Variants in KIAA0586 observed in about 807,000 individuals in gnomAD.
KIAA0586 encodes the protein KIAA0586.
In KIAA0586, 144 loss-of-function variants were observed where a neutral mutation model predicts 169.8. The ratio of observed to expected loss-of-function variants is 0.85; its 90% CI spans 0.74 to 0.97. KIAA0586 has a LOEUF of 0.97. KIAA0586 is among the 50% of genes least tolerant of loss of function. The pLI is 0.00. For missense variants in KIAA0586, 1,854 were observed against 1,823.0 expected (o/e 1.02, Z -0.31); for synonymous variants, 625 against 612.4 (o/e 1.02, Z -0.30).
the KIAA0586 span, among the ~76,000 whole-genome samples, chr14:58,560,391 C>T: frequency 5.3e-5 from 8 of 152,238 alleles, no homozygotes; most frequent in Admixed American, 4.6e-4. Context: ...TCATGTATGC[C>T]GGATTGTTGA....
At chr14:58,501,415 G>C (rs1025289946) in intron 27 of KIAA0586, among the ~76,000 whole-genome samples, 1 of 152,168 alleles carries the variant, frequency 6.6e-6, no homozygotes. Context: ...TTAACACTAG[G>C]TGGCTCTCGC....
chr14:58,475,379 C>T (rs1023499812), intron 19 of KIAA0586, among the ~76,000 whole-genome samples: 5 of 152,050 alleles, frequency 3.3e-5, no homozygotes, highest in African/African-American at 1.2e-4. Context: ...TCTATCCCCC[C>T]ACCCCCTACC....
At chr14:58,484,740 A>G (rs1440242695) in intron 21 of KIAA0586, among the ~76,000 whole-genome samples, 1 of 149,836 alleles carries the variant, frequency 6.7e-6, no homozygotes, top group African/African-American at 2.5e-5. Context: ...TACATTAATT[A>G]TTAAGCAATG....
chr14:58,542,790 A>G (rs901556808), intron 30 of KIAA0586, among the ~76,000 whole-genome samples: 8 of 152,132 alleles, frequency 5.3e-5, no homozygotes, highest in South Asian at 2.1e-4. Context: ...TGTGCTTTCT[A>G]TGTTCCAGCA....
intron 21 of KIAA0586, among the ~76,000 whole-genome samples, chr14:58,483,185 A>G (rs775171444): frequency 2.1e-4 from 32 of 152,044 alleles, no homozygotes; most frequent in Admixed American, 4.6e-4. Flanking sequence ...TGGATTTCTT[A>G]TCTCATGAAT....
intron 8 of KIAA0586, among the ~76,000 whole-genome samples, chr14:58,452,238 T>C (rs181813827): frequency 1.2e-3 from 176 of 152,084 alleles, no homozygotes; most frequent in African/African-American, 4.0e-3. Flanking sequence ...AAGAACTTAT[T>C]CATGTAACCA....
rs961835668 is a variant in KIAA0586 at position 58,427,937 on chromosome 14, A to G, written c.-328A>G. On this transcript the variant is annotated 5_prime_UTR_variant, in exon 1 of 31. Transcript: ENST00000652326. Reference sequence around the variant, plus strand: ...CTCAACAAATTTTAAGCCCGCCACTACATGTGTTTGGTTTTGCCCTACCAG... The same window carrying G: ...CTCAACAAATTTTAAGCCCGCCACTGCATGTGTTTGGTTTTGCCCTACCAG... 2.0e-5 allele frequency: 28 copies of G among 1,378,018 alleles called. No individual in the cohort carries two copies. In the Admixed American group the frequency reaches 5.3e-4, roughly 26 times the overall value. 85.4% of individuals were successfully genotyped at this position (1,378,018 alleles called of 1,614,324 possible).
intron 26 of KIAA0586, among the ~76,000 whole-genome samples, chr14:58,494,972 C>CCCTCCACACAGCCT (rs1207152067): frequency 6.6e-6 from 1 of 152,096 alleles, no homozygotes; most frequent in Non-Finnish European, 1.5e-5. Context: ...CTCACAAAGC[C>CCCTCCACACAGCCT]CCTCCACACA....
rs761020392 is a variant in KIAA0586, at chr14:58,477,195, C to T, written c.2898C>T (p.Ile966=). 1.3e-6 allele frequency: 2 copies of T among 1,580,542 alleles called. No individual in the cohort carries two copies. The highest frequency in any genetic ancestry group is 2.3e-5 in the South Asian group (2 of 86,348). ...TCCAGCAACAGATTGCACCTAGTATCAGTGTTTCAGTCAGTGAGACAAGTG... is the reference window on the plus strand; with the variant it reads ...TCCAGCAACAGATTGCACCTAGTATTAGTGTTTCAGTCAGTGAGACAAGTG... The part of the protein sequence containing the change: ...FPVQQQIAPS[I]SVSVSETSEP... Residue 966 remains isoleucine, a synonymous_variant, in exon 20 of 31, where the codon ATC becomes ATT. Transcript: ENST00000652326.
chr14:58,511,898 G>A (rs112571698), intron 28 of KIAA0586, among the ~76,000 whole-genome samples: 263 of 152,186 alleles, frequency 1.7e-3, no homozygotes, highest in African/African-American at 6.2e-3. Flanking sequence ...CATAAAATAG[G>A]AAAGAGAAGA....
At chr14:58,532,931 A>G (rs1475714885) in intron 29 of KIAA0586, among the ~76,000 whole-genome samples, 1 of 152,214 alleles carries the variant, frequency 6.6e-6, no homozygotes, top group Non-Finnish European at 1.5e-5. Context: ...GCTAAAATGT[A>G]TCTTAAAATC....
chr14:58,463,560 G>A (rs768518900), intron 14 of KIAA0586, among the ~76,000 whole-genome samples: 1 of 152,150 alleles, frequency 6.6e-6, no homozygotes, highest in African/African-American at 2.4e-5. Context: ...GGATGTGTAG[G>A]TTGGGCACAG....
At chr14:58,465,806 A>T (rs1383446893) in intron 14 of KIAA0586, 29 bp from the exon 15 acceptor site, 2 of 1,373,710 alleles carry the variant, frequency 1.5e-6, no homozygotes, top group Non-Finnish European at 2.0e-6. Flanking sequence ...ACAATATTTT[A>T]AAATATCTGC....
intron 18 of KIAA0586, among the ~76,000 whole-genome samples, chr14:58,473,730 AC>A (rs1165349761): frequency 6.6e-6 from 1 of 151,898 alleles, no homozygotes; most frequent in Non-Finnish European, 1.5e-5. Context: ...AGATGGTGAA[AC>A]CCCATCTCTA....
chr14:58,444,692 A>G (rs1012550947), intron 6 of KIAA0586, among the ~76,000 whole-genome samples: 1 of 151,950 alleles, frequency 6.6e-6, no homozygotes, highest in African/African-American at 2.4e-5. Context: ...CCAAAGTGCT[A>G]GAGTTACCTG....
intron 9 of KIAA0586, among the ~76,000 whole-genome samples, chr14:58,454,408 A>G (rs1177111441): frequency 6.6e-6 from 1 of 152,164 alleles, no homozygotes; most frequent in Non-Finnish European, 1.5e-5. Context: ...TACTTGATGC[A>G]GCTCTTTTAA....
rs189830011 is a variant in KIAA0586 at position 58,448,036 on chromosome 14, G to A, written c.808-304G>A. ...GCCTCTCCTTCCTGGTCTTCTCTTA[G>A]CCGGCTGCAATGGCCCCTGAGCCAT... On this transcript the variant is annotated intron_variant, in intron 6 of 30. Coordinates refer to ENST00000652326, the MANE Select transcript of KIAA0586 (RefSeq NM_001329943.3). Among the ~76,000 whole-genome samples the A allele has an allele frequency of 2.0e-5, 3 of 152,216 alleles. No individual in the cohort carries two copies. The East Asian group carries it at 5.8e-4, about 29-fold the overall frequency.
chr14:58,469,297 G>A (rs2041017081), intron 16 of KIAA0586, among the ~76,000 whole-genome samples: 1 of 152,198 alleles, frequency 6.6e-6, no homozygotes, highest in Non-Finnish European at 1.5e-5. Context: ...CTTGATAGGA[G>A]CAAATGCACA....
Position 58,507,457 on chromosome 14 carries a change from A to G in KIAA0586, c.4169-1098A>G, listed in dbSNP as rs191864123. Among the ~76,000 whole-genome samples the G allele has an allele frequency of 2.2e-3, 332 of 150,436 alleles. 2 individuals are homozygous for G. The highest frequency in any genetic ancestry group is 7.7e-3 in the African/African-American group (319 of 41,218). On this transcript the variant is annotated intron_variant, in intron 27 of 30. Coordinates refer to ENST00000652326, the MANE Select transcript of KIAA0586 (RefSeq NM_001329943.3). Reference sequence around the variant, plus strand: ...CATATAACTCTTCAGGTCTATTTCTATTGATTATATTTTAAAAGGTTGTCT... The same window carrying G: ...CATATAACTCTTCAGGTCTATTTCTGTTGATTATATTTTAAAAGGTTGTCT...
Sources: allele counts gnomAD v4.1 joint callset (sites outside exome capture counted in the v4.1 genomes callset), GRCh38; gene constraint gnomAD v4.1.1; transcripts MANE v1.5; gene names NCBI Gene and HGNC (gene_info 2026-07-23, HGNC 2026-07-21).